Variants in BSN observed in about 807,000 individuals in gnomAD.
BSN encodes the protein protein bassoon.
BSN carries 57 observed loss-of-function variants against 264.8 expected under a neutral mutation model. The observed-to-expected ratio is 0.22, with a 90% confidence interval of 0.17 to 0.27. The LOEUF (loss-of-function observed/expected upper bound fraction) is 0.27. BSN is among the 10% of genes least tolerant of loss of function. The pLI is 1.00. For missense variants in BSN, 4,615 were observed against 5,232.5 expected (o/e 0.88, Z 3.64); for synonymous variants, 2,059 against 2,137.3 (o/e 0.96, Z 1.01).
chr3:49,582,092 C>T (rs1271279524), intron 1 of BSN, among the ~76,000 whole-genome samples: 2 of 152,110 alleles, frequency 1.3e-5, no homozygotes, highest in African/African-American at 2.4e-5. Context: ...GCAGCTGTAC[C>T]GTTTTACATT....
intron 3 of BSN, among the ~76,000 whole-genome samples, chr3:49,646,384 A>T (rs760044655): frequency 3.3e-5 from 5 of 152,220 alleles, no homozygotes; most frequent in African/African-American, 4.8e-5. Context: ...GTCTCTTATT[A>T]TATCATCATT....
rs2052665296 is a variant in BSN, at chr3:49,662,246, A to G, written c.10401A>G (p.Glu3467=). The part of the protein sequence containing the change: ...HDFSGWGKGY[E]REREAVERLQ... ...TCAGTGGCTGGGGCAAGGGGTACGA[A>G]AGGGAACGGGAGGCTGTGGAGCGAC... The change falls in exon 6 of 12, where the codon GAA becomes GAG. Residue 3467 remains glutamate (E), a synonymous_variant. Transcript: ENST00000296452. The G allele has an allele frequency of 6.2e-7, 1 of 1,613,908 alleles. No homozygotes were observed. Among genetic ancestry groups the G allele is most frequent in the Non-Finnish European group, 8.5e-7 (1 of 1,179,926 alleles).
intron 1 of BSN, among the ~76,000 whole-genome samples, chr3:49,560,534 A>G (rs2051704401): frequency 6.6e-6 from 1 of 152,170 alleles, no homozygotes. Flanking sequence ...CTGCATGCCT[A>G]CAGCAAGGGC....
chr3:49,658,657 A>C lies in BSN; in HGVS notation c.8640+461A>C, dbSNP rs188603191. ...CCTGGCCTGGTTTCCATTGCCACAC[A>C]GGAAGCCCACACCCCTATGGCCTAG... On this transcript the variant is annotated intron_variant, in intron 5 of 11. Coordinates refer to ENST00000296452, the MANE Select transcript of BSN (RefSeq NM_003458.4). 2.0e-3 allele frequency among the ~76,000 whole-genome samples: 298 copies of C among 152,286 alleles called. 2 individuals carry two copies. The highest frequency in any genetic ancestry group is 6.8e-3 in the African/African-American group (283 of 41,524).
In BSN at chr3:49,661,954, C is replaced by G. The variant is rs147657689; in HGVS notation, c.10109C>G (p.Ser3370Cys). 1 of 1,613,996 alleles carries G rather than the reference C, an allele frequency of 6.2e-7. No homozygotes were observed. The highest frequency in any genetic ancestry group is 1.3e-5 in the African/African-American group (1 of 75,052). The change falls in exon 6 of 12, where the codon TCC (serine) becomes TGC (cysteine). Residue 3370 changes from serine to cysteine, a missense_variant. By Grantham distance (112) the Ser-to-Cys change is moderately radical. This residue lies in a region of BSN where 3,415 missense variants were observed against 3,866.4 expected (regional missense o/e 0.88). Coordinates refer to ENST00000296452, the MANE Select transcript of BSN (RefSeq NM_003458.4). Reference protein sequence around the residue: ...HRKQGMEQKISKFSPIEEAKD... With the variant: ...HRKQGMEQKICKFSPIEEAKD... ...AAGCAGGGCATGGAGCAAAAGATAT[C>G]CAAGTTCTCGCCTATTGAAGAGGCC...
chr3:49,662,654 G>C (rs1178962093), intron 6 of BSN, 92 bp downstream of exon 6: 4 of 1,507,934 alleles, frequency 2.7e-6, no homozygotes, highest in Middle Eastern at 2.1e-4. Flanking sequence ...GTCCCAGCAG[G>C]GTCTGGTCTG....
At chr3:49,598,874 A>G (rs568468042) in intron 1 of BSN, among the ~76,000 whole-genome samples, 30 of 152,366 alleles carry the variant, frequency 2.0e-4, no homozygotes, top group Non-Finnish European at 3.8e-4. Flanking sequence ...TAGATTAGAA[A>G]AGAAGAAATA....
At chr3:49,673,087 C>CTTGTTTTTTTTTTT (rs2052847229), downstream of BSN, among the ~76,000 whole-genome samples, 1 of 43,198 alleles carries the variant, frequency 2.3e-5, no homozygotes, top group African/African-American at 8.3e-5. Context: ...CCGGCCGGGA[C>CTTGTTTTTTTTTTT]TTTTTTTTTT....
intron 1 of BSN, among the ~76,000 whole-genome samples, chr3:49,584,697 G>C (rs1319652362): frequency 6.6e-6 from 1 of 152,224 alleles, no homozygotes; most frequent in East Asian, 1.9e-4. Context: ...TAGTCACCTT[G>C]TTGTGCTATC....
In BSN at chr3:49,569,220, G is replaced by A. The variant is rs559690323; in HGVS notation, c.224+14394G>A. ...GGTAGGCAGCTGGGTATTCAAGTCTGGGTTGGAAAAATAAAGTAGCACTTC... is the reference window on the plus strand; with the variant it reads ...GGTAGGCAGCTGGGTATTCAAGTCTAGGTTGGAAAAATAAAGTAGCACTTC... On this transcript the variant is annotated intron_variant, in intron 1 of 11. Coordinates refer to ENST00000296452, the MANE Select transcript of BSN (RefSeq NM_003458.4). 2.0e-5 allele frequency among the ~76,000 whole-genome samples: 3 copies of A among 152,026 alleles called. No individual in the cohort carries two copies. The South Asian group carries it at 6.2e-4, about 32-fold the overall frequency.
At chr3:49,610,902 G>C (rs971672991) in intron 1 of BSN, among the ~76,000 whole-genome samples, 1 of 152,148 alleles carries the variant, frequency 6.6e-6, no homozygotes. Context: ...GCAGACATTG[G>C]GTGATCTTGC....
chr3:49,664,635 C>T, intron 9 of BSN, 81 bp downstream of exon 9: 2 of 1,547,218 alleles, frequency 1.3e-6, no homozygotes, highest in South Asian at 1.2e-5. Context: ...CAGACTCAGT[C>T]ACCCAGGCAG....
At chr3:49,608,282 G>A (rs2052175008) in intron 1 of BSN, among the ~76,000 whole-genome samples, 2 of 152,136 alleles carry the variant, frequency 1.3e-5, no homozygotes, top group South Asian at 4.1e-4. Context: ...CTGCATAGTT[G>A]GCAAGAAAGG....
At chr3:49,604,010 G>A (rs986281156) in intron 1 of BSN, among the ~76,000 whole-genome samples, 4 of 152,058 alleles carry the variant, frequency 2.6e-5, no homozygotes, top group African/African-American at 9.7e-5. Flanking sequence ...TAGTATGCAT[G>A]TATCAGTACT....
At chr3:49,636,154 C>T (rs1445829056) in intron 2 of BSN, among the ~76,000 whole-genome samples, 1 of 152,168 alleles carries the variant, frequency 6.6e-6, no homozygotes, top group Non-Finnish European at 1.5e-5. Flanking sequence ...GTCTGCAGCT[C>T]AGCCCCATGT....
chr3:49,557,384 G>A (rs2051681415), intron 1 of BSN, among the ~76,000 whole-genome samples: 1 of 152,124 alleles, frequency 6.6e-6, no homozygotes, highest in African/African-American at 2.4e-5. Context: ...ATGGAGATAT[G>A]CCTAATGTAC....
At chr3:49,662,701 C>T in intron 6 of BSN, 139 bp downstream of exon 6, 1 of 1,430,538 alleles carries the variant, frequency 7.0e-7, no homozygotes, top group East Asian at 2.4e-5. Flanking sequence ...AGGCAGGCTG[C>T]CCTTGCCTGC....
chr3:49,603,118 C>A (rs1345782022), intron 1 of BSN, among the ~76,000 whole-genome samples: 1 of 146,860 alleles, frequency 6.8e-6, no homozygotes, highest in Non-Finnish European at 1.5e-5. Context: ...AGGGCTGGGC[C>A]CCTCAAGTCA....
chr3:49,630,766 G>A (rs1031911490), intron 2 of BSN, among the ~76,000 whole-genome samples: 2 of 152,152 alleles, frequency 1.3e-5, no homozygotes, highest in African/African-American at 4.8e-5. Context: ...AGTAAAAATG[G>A]TAGAGAAAAA....
Sources: gnomAD v4.1 joint callset for allele counts (sites outside exome capture counted in the v4.1 genomes callset) on GRCh38, gnomAD v4.1.1 for gene constraint, gnomAD v4.1.1 regional missense constraint, MANE v1.5 for transcripts, NCBI Gene and HGNC (gene_info 2026-07-23, HGNC 2026-07-21) for gene names.